The following ZNF585B variants were observed in gnomAD, a reference collection of about 807,000 sequenced individuals.
ZNF585B encodes zinc finger protein 585B, also known as zinc finger protein 41-like protein.
A neutral mutation model predicts 14.0 loss-of-function variants in ZNF585B; 7 were observed. The observed-to-expected ratio is 0.50, with a 90% CI of 0.28 to 0.94. The LOEUF is 0.94. Among genes scored for constraint, ZNF585B ranks in the 40% least tolerant of loss-of-function variants. The pLI is 0.09. For missense variants in ZNF585B, 750 were observed against 924.4 expected (o/e 0.81, Z 2.45); for synonymous variants, 290 against 317.3 (o/e 0.91, Z 0.91).
intron 2 of ZNF585B, among the ~76,000 whole-genome samples, chr19:37,194,577 C>T (rs543595344): frequency 6.6e-6 from 1 of 152,264 alleles, no homozygotes; most frequent in Admixed American, 6.5e-5. Flanking sequence ...CACGCCATTG[C>T]ACTCCAGCCT....
chr19:37,191,265 C>T (rs1026610992), intron 2 of ZNF585B, among the ~76,000 whole-genome samples: 1 of 152,118 alleles, frequency 6.6e-6, no homozygotes. Context: ...ACATAGGTCA[C>T]ATATTAAATA....
In ZNF585B at chr19:37,186,000, G is replaced by T. The variant is rs755435914; in HGVS notation, c.1537C>A (p.Gln513Lys). Residue 513 changes from glutamine to lysine, a missense_variant, in exon 5 of 5, where the codon CAG becomes AAG. Physicochemically the swap from Gln to Lys is moderately conservative, Grantham distance 53. Around this residue, in one of 2 missense-constraint regions of ZNF585B, gnomAD observed 233 missense variants for 354.1 expected, o/e 0.66. Transcript: ENST00000532828. ...GGCTTCTCCCCAGTATGGATTCTCT[G>T]ATGTGTAATCAAGTCTGACCTCTGG... is the stretch of plus-strand genomic sequence containing the variant. ...FTQRSDLITH[Q>K]RIHTGEKPYE... 4.3e-6 allele frequency: 7 copies of T among 1,613,820 alleles called. No individual in the cohort carries two copies. Among genetic ancestry groups the T allele is most frequent in the Non-Finnish European group, 5.9e-6 (7 of 1,179,996 alleles).
At chr19:37,189,879 T>C in intron 3 of ZNF585B, 126 bp from the exon 4 acceptor site, 1 of 1,560,946 alleles carries the variant, frequency 6.4e-7, no homozygotes, top group Non-Finnish European at 8.7e-7. Context: ...TGAGTAATAT[T>C]CTGAGTACCC....
In ZNF585B at chr19:37,186,664, A is replaced by T. The variant is rs1429624851; in HGVS notation, c.873T>A (p.Ile291=). 1 of 1,614,056 alleles carries T rather than the reference A, an allele frequency of 6.2e-7. No homozygotes were observed. The highest frequency in any genetic ancestry group is 1.3e-5 in the African/African-American group (1 of 74,922). The change falls in exon 5 of 5, where the codon ATT becomes ATA. Residue 291 remains isoleucine, a synonymous_variant. Transcript: ENST00000532828. ...ATTCATATGGTTTTTCTCCACTATG[A>T]ATTCTTCGGTGTGCAATCAATTGTG... ...QKTQLIAHRR[I]HSGEKPYECN...
At chr19:37,206,945 A>C in intron 2 of ZNF585B, 95 bp downstream of exon 2, 1 of 1,496,636 alleles carries the variant, frequency 6.7e-7, no homozygotes, top group Non-Finnish European at 9.2e-7. Context: ...GCTGGTTCCT[A>C]AGGCCTGTCT....
chr19:37,201,137 G>A (rs1189171742), intron 2 of ZNF585B, among the ~76,000 whole-genome samples: 2 of 151,028 alleles, frequency 1.3e-5, no homozygotes, highest in African/African-American at 4.9e-5. Flanking sequence ...CAGAAGAAAT[G>A]TACAAGGACT....
At position 37,206,468 on chromosome 19, in the gene ZNF585B, A is replaced by T. The variant is rs555954561; in HGVS notation, c.72+572T>A. On this transcript the variant is annotated intron_variant, in intron 2 of 4. Transcript: ENST00000532828. ...CTCTGTTTCAAAAAAAAAAAAAAAAATTTTAGGAAACAAACTAGAGTTTTT... is the reference window on the plus strand; with the variant it reads ...CTCTGTTTCAAAAAAAAAAAAAAAATTTTTAGGAAACAAACTAGAGTTTTT... 1.0e-3 allele frequency among the ~76,000 whole-genome samples: 152 copies of T among 151,922 alleles called. 2 individuals are homozygous for T. In the East Asian group the frequency reaches 0.026, roughly 26 times the overall value.
At chr19:37,209,205 A>G (rs925471576) in intron 1 of ZNF585B, among the ~76,000 whole-genome samples, 1 of 151,906 alleles carries the variant, frequency 6.6e-6, no homozygotes, top group Non-Finnish European at 1.5e-5. Context: ...CCCAGGTTCA[A>G]GTGATTCTTC....
In ZNF585B at chr19:37,186,526, A is replaced by G. The variant is rs1281249954; in HGVS notation, c.1011T>C (p.Asn337=). Residue 337 remains asparagine, a synonymous_variant, in exon 5 of 5, where the codon AAT becomes AAC. Coordinates refer to ENST00000532828, the MANE Select transcript of ZNF585B (RefSeq NM_152279.4). ...ICTEYGKVFS[N]NSNLITHEKI... ...TCTCATGTGTAATGAGGTTGGAATTATTGCTGAAGACCTTCCCATATTCGG... is the reference window on the plus strand; with the variant it reads ...TCTCATGTGTAATGAGGTTGGAATTGTTGCTGAAGACCTTCCCATATTCGG... 1 of 1,614,196 alleles carries G rather than the reference A, an allele frequency of 6.2e-7. No individual in the cohort carries two copies. Among genetic ancestry groups the G allele is most frequent in the South Asian group, 1.1e-5 (1 of 91,082 alleles).
Position 37,186,876 on chromosome 19 carries a change from TC to T in ZNF585B, c.660del (p.Gly222ValfsTer64). The T allele has an allele frequency of 6.2e-7, 1 of 1,613,904 alleles. No homozygotes were observed. Among genetic ancestry groups the T allele is most frequent in the Non-Finnish European group, 8.5e-7 (1 of 1,179,864 alleles). ...AGATCTGAGTTATAAGGGAAACCTTTCCCACATTCACTACATTCATATAGTT... is the reference window on the plus strand; with the variant it reads ...AGATCTGAGTTATAAGGGAAACCTTTCCACATTCACTACATTCATATAGTT... ...GEKLYECSEC[G>X]KGFPYNSDLS... On this transcript the variant is annotated frameshift_variant, in exon 5 of 5. Transcript: ENST00000532828. LOFTEE classifies it low-confidence loss of function (END_TRUNC).
intron 2 of ZNF585B, 80 bp downstream of exon 2, chr19:37,206,960 C>G: frequency 1.3e-6 from 2 of 1,569,752 alleles, no homozygotes; most frequent in South Asian, 2.2e-5. Flanking sequence ...CTGTCTGCCT[C>G]TGCCCTAAGG....
chr19:37,200,244 A>G (rs1972516521), intron 2 of ZNF585B, among the ~76,000 whole-genome samples: 1 of 151,596 alleles, frequency 6.6e-6, no homozygotes, highest in Admixed American at 6.6e-5. Flanking sequence ...AAGCAATGAA[A>G]AGACCCTGCT....
rs1972313566 is a variant in ZNF585B at position 37,184,794 on chromosome 19, T to C, written c.*433A>G. On this transcript the variant is annotated 3_prime_UTR_variant, in exon 5 of 5. Transcript: ENST00000532828. ...CCCACAATTCTACTAGACAGTGTGT[T>C]CTGGAACAAACAACTCACAGAAGGA... 7.4e-6 allele frequency: 3 copies of C among 404,350 alleles called. No individual in the cohort carries two copies. Among genetic ancestry groups the C allele is most frequent in the Non-Finnish European group, 1.3e-5 (3 of 228,398 alleles). 25.0% of individuals were successfully genotyped at this position (404,350 alleles called of 1,614,324 possible).
At chr19:37,204,540 A>T (rs2145445510) in intron 2 of ZNF585B, among the ~76,000 whole-genome samples, 1 of 152,326 alleles carries the variant, frequency 6.6e-6, no homozygotes, top group Admixed American at 6.5e-5. Context: ...CACAAAAGTG[A>T]ATAAAAGTCT....
chr19:37,205,157 C>G (rs952056899), intron 2 of ZNF585B, among the ~76,000 whole-genome samples: 4 of 152,120 alleles, frequency 2.6e-5, no homozygotes, highest in African/African-American at 4.8e-5. Flanking sequence ...CCCACCCTGG[C>G]TTTCCAGTGT....
intron 1 of ZNF585B, among the ~76,000 whole-genome samples, chr19:37,207,834 T>C (rs1972601203): frequency 6.6e-6 from 1 of 152,092 alleles, no homozygotes; most frequent in South Asian, 2.1e-4. Flanking sequence ...AATAAACATA[T>C]CAGACAATGT....
At position 37,187,259 on chromosome 19, in the gene ZNF585B, TCA is replaced by T; in HGVS notation, c.293-17_293-16del. On this transcript the variant is annotated splice_polypyrimidine_tract_variant and intron_variant, in intron 4 of 4. Transcript: ENST00000532828. Reference sequence around the variant, plus strand: ...TAATTTCTCTCCTGTTGGAGTACATTCACAGTAAGTATAGAAAGACATTTTAC... The same window carrying T: ...TAATTTCTCTCCTGTTGGAGTACATTCAGTAAGTATAGAAAGACATTTTAC... 6.4e-7 allele frequency: 1 copy of T among 1,554,760 alleles called. No homozygotes were observed. The highest frequency in any genetic ancestry group is 8.8e-7 in the Non-Finnish European group (1 of 1,142,276).
intron 4 of ZNF585B, among the ~76,000 whole-genome samples, chr19:37,188,303 A>G (rs779440673): frequency 6.6e-6 from 1 of 152,068 alleles, no homozygotes; most frequent in Non-Finnish European, 1.5e-5. Flanking sequence ...CCTGACCAAC[A>G]TGGAGAAACC....
chr19:37,190,266 G>C, intron 2 of ZNF585B, 116 bp from the exon 3 acceptor site: 2 of 1,422,522 alleles, frequency 1.4e-6, no homozygotes, highest in Non-Finnish European at 1.9e-6. Flanking sequence ...TTTTTTTTTT[G>C]AGACAGTCTT....
Sources: allele counts gnomAD v4.1 joint callset (sites outside exome capture counted in the v4.1 genomes callset), GRCh38; gene constraint gnomAD v4.1.1; regional missense constraint gnomAD v4.1.1; transcripts MANE v1.5; gene names NCBI Gene and HGNC (gene_info 2026-07-23, HGNC 2026-07-21).